Variants in FXYD6 observed in about 807,000 individuals in gnomAD.
FXYD6 encodes the protein FXYD domain-containing ion transport regulator 6.
FXYD6 carries 7 observed loss-of-function variants against 16.7 expected under a neutral mutation model. The observed-to-expected ratio is 0.42, with a 90% CI of 0.24 to 0.79. FXYD6 has a LOEUF of 0.79. Ranked by LOEUF, FXYD6 falls within the 30% of genes least tolerant of loss-of-function variation. The pLI, the probability that FXYD6 is intolerant of heterozygous loss-of-function variation, is 0.28. For missense variants in FXYD6, 111 were observed against 116.2 expected (o/e 0.95, Z 0.21); for synonymous variants, 49 against 43.0 (o/e 1.14, Z -0.54).
chr11:117,868,730 C>T (rs1347903847), intron 1 of FXYD6, among the ~76,000 whole-genome samples: 1 of 152,220 alleles, frequency 6.6e-6, no homozygotes, highest in Admixed American at 6.5e-5. Context: ...GTAATAATAG[C>T]AGAAACTGCA....
intron 3 of FXYD6, 62 bp from the exon 4 acceptor site, chr11:117,841,927 C>A (rs2056355325): frequency 3.7e-6 from 6 of 1,613,868 alleles, no homozygotes; most frequent in Non-Finnish European, 5.1e-6. Flanking sequence ...GTTCCCCCTA[C>A]CCCTCCTGCC....
intron 1 of FXYD6, among the ~76,000 whole-genome samples, chr11:117,860,730 A>C (rs1264199821): frequency 1.3e-5 from 2 of 152,244 alleles, no homozygotes; most frequent in African/African-American, 2.4e-5. Context: ...AATAGGTGTG[A>C]AGGTTCTTTG....
chr11:117,854,631 A>G (rs2056683216), intron 1 of FXYD6, among the ~76,000 whole-genome samples: 1 of 152,222 alleles, frequency 6.6e-6, no homozygotes. Flanking sequence ...GAACTTCCCA[A>G]CAGGTACAGA....
intron 1 of FXYD6, 93 bp from the exon 2 acceptor site, chr11:117,842,874 C>T: frequency 7.4e-7 from 1 of 1,354,340 alleles, no homozygotes; most frequent in African/African-American, 1.5e-5. Context: ...CAAGCCAAAT[C>T]CCCAGCTTTG....
In FXYD6 at chr11:117,870,079, C is replaced by T. The variant is rs187346149; in HGVS notation, c.-6+6513G>A. Among the ~76,000 whole-genome samples the T allele has an allele frequency of 3.3e-5, 5 of 152,378 alleles. No individual in the cohort carries two copies. Among genetic ancestry groups the T allele is most frequent in the Admixed American group, 6.5e-5 (1 of 15,312 alleles). ...ACTGACAACCGTGACACTGTGGCAT[C>T]CCAGCCATCACCCATGGACTTCTCA... On this transcript the variant is annotated intron_variant, in intron 1 of 7. Coordinates refer to ENST00000526014, the MANE Select transcript of FXYD6 (RefSeq NM_022003.4). This position sits in a 1 kb window ranked among gnomAD's most constrained non-coding sequence, Gnocchi z 4.2.
At chr11:117,857,901 A>G (rs1424790755) in intron 1 of FXYD6, among the ~76,000 whole-genome samples, 2 of 152,102 alleles carry the variant, frequency 1.3e-5, no homozygotes, top group Non-Finnish European at 2.9e-5. Context: ...CAGCCTTACC[A>G]TCAGTTCTCT....
chr11:117,865,015 C>CA (rs2056985405), intron 1 of FXYD6, among the ~76,000 whole-genome samples: 1 of 152,128 alleles, frequency 6.6e-6, no homozygotes, highest in South Asian at 2.1e-4. Flanking sequence ...AACTCAACAA[C>CA]AAAAAAAGCA....
At chr11:117,856,009 T>C (rs1294076811) in intron 1 of FXYD6, among the ~76,000 whole-genome samples, 2 of 152,154 alleles carry the variant, frequency 1.3e-5, no homozygotes, top group Non-Finnish European at 2.9e-5. Flanking sequence ...CTCTCCTTTC[T>C]GTGCTCTTGT....
chr11:117,857,689 G>A (rs2056766234), intron 1 of FXYD6, among the ~76,000 whole-genome samples: 4 of 152,154 alleles, frequency 2.6e-5, no homozygotes, highest in Admixed American at 2.0e-4. Flanking sequence ...TTACAGGCAT[G>A]AGCCACCACA....
intron 1 of FXYD6, among the ~76,000 whole-genome samples, chr11:117,874,006 G>C (rs1458125275): frequency 6.6e-6 from 1 of 152,120 alleles, no homozygotes; most frequent in African/African-American, 2.4e-5. Flanking sequence ...AGAAAGCAAG[G>C]GTTGCAGGAC....
intron 4 of FXYD6, 125 bp from the exon 5 acceptor site, chr11:117,841,309 C>A: frequency 8.1e-7 from 1 of 1,230,454 alleles, no homozygotes; most frequent in Non-Finnish European, 1.1e-6. Flanking sequence ...ACAGTTTGCA[C>A]AGCTGCACAC....
intron 1 of FXYD6, among the ~76,000 whole-genome samples, chr11:117,856,938 T>C (rs1279946623): frequency 6.6e-6 from 1 of 151,874 alleles, no homozygotes; most frequent in Non-Finnish European, 1.5e-5. Flanking sequence ...GATTGGGAGG[T>C]GGGCAGAACA....
At chr11:117,857,440 C>T (rs1415497711) in intron 1 of FXYD6, among the ~76,000 whole-genome samples, 5 of 142,750 alleles carry the variant, frequency 3.5e-5, no homozygotes, top group East Asian at 4.1e-4. Flanking sequence ...GAAGGAGTCT[C>T]GCTCTGTAGC....
intron 1 of FXYD6, among the ~76,000 whole-genome samples, chr11:117,859,649 A>G (rs934638592): frequency 1.3e-5 from 2 of 152,178 alleles, no homozygotes; most frequent in African/African-American, 4.8e-5. Context: ...TCCAAGAACT[A>G]AGGAGGCCTT....
At position 117,870,748 on chromosome 11, in the gene FXYD6, CATT is replaced by C. The variant is rs1323275347; in HGVS notation, c.-6+5841_-6+5843del. Among the ~76,000 whole-genome samples, 3 of 152,108 alleles carry C rather than the reference CATT, an allele frequency of 2.0e-5. No individual in the cohort carries two copies. The highest frequency in any genetic ancestry group is 4.4e-5 in the Non-Finnish European group (3 of 68,028). On this transcript the variant is annotated intron_variant, in intron 1 of 7. Coordinates refer to ENST00000526014, the MANE Select transcript of FXYD6 (RefSeq NM_022003.4). The surrounding 1 kb of genome is among the most constrained non-coding windows in gnomAD (Gnocchi z 4.2). ...GACTCTGTCTCTGTTTCAGGAAACACATTATCCCCTCCCTCCCCTCAATGCATC... is the reference window on the plus strand; with the variant it reads ...GACTCTGTCTCTGTTTCAGGAAACACATCCCCTCCCTCCCCTCAATGCATC...
intron 4 of FXYD6, chr11:117,841,587 T>A (rs1048808096): frequency 3.2e-6 from 2 of 626,514 alleles, no homozygotes; most frequent in African/African-American, 3.7e-5. Context: ...CATTGTCATA[T>A]GACATTTTCT....
At chr11:117,849,881 G>T (rs2056564654) in intron 1 of FXYD6, among the ~76,000 whole-genome samples, 1 of 152,002 alleles carries the variant, frequency 6.6e-6, no homozygotes, top group African/African-American at 2.4e-5. Context: ...ATTTGGGCTA[G>T]CTCCTGTCCA....
chr11:117,840,446 G>T lies in FXYD6; in HGVS notation c.210-78C>A, dbSNP rs2056312660. The T allele has an allele frequency of 1.9e-6, 3 of 1,593,840 alleles. No homozygotes were observed. The African/African-American group carries it at 4.0e-5, about 21-fold the overall frequency. The stretch of plus-strand genomic sequence containing the variant: ...GAGAGCATCGTTCTGCTCCTCACTG[G>T]GGCACAGCTGCCTGCAGTCAGGCTC... On this transcript the variant is annotated intron_variant, in intron 5 of 7. Coordinates refer to ENST00000526014, the MANE Select transcript of FXYD6 (RefSeq NM_022003.4).
At position 117,858,759 on chromosome 11, in the gene FXYD6, TC is replaced by T. The variant is rs1315164894; in HGVS notation, c.-5-15979del. The stretch of plus-strand genomic sequence containing the variant: ...TTCCTTCCTTCCTTCCTTCCTTCCT[TC>T]CTTCCTTCCTTCCTTCCTTCTTTCT... On this transcript the variant is annotated intron_variant, in intron 1 of 7. Coordinates refer to ENST00000526014, the MANE Select transcript of FXYD6 (RefSeq NM_022003.4). 1.3e-3 allele frequency among the ~76,000 whole-genome samples: 176 copies of T among 137,590 alleles called. 11 individuals are homozygous for T. The highest frequency in any genetic ancestry group is 9.5e-3 in the East Asian group (44 of 4,652). The allele number at this position is 137,590 out of a possible 152,430, so 90.3% of individuals were successfully genotyped here.
Sources: gnomAD v4.1 joint callset for allele counts (sites outside exome capture counted in the v4.1 genomes callset) on GRCh38, gnomAD v4.1.1 for gene constraint, Gnocchi (gnomAD v3.1) non-coding constraint, MANE v1.5 for transcripts, NCBI Gene and HGNC (gene_info 2026-07-23, HGNC 2026-07-21) for gene names.